Variants in ATF7IP2 observed in about 807,000 individuals in gnomAD.
The protein encoded by ATF7IP2 is activating transcription factor 7 interacting protein 2.
In ATF7IP2, 42 loss-of-function variants were observed where a neutral mutation model predicts 64.2. That is an observed-to-expected ratio of 0.65 (90% CI 0.51 to 0.85). The LOEUF (loss-of-function observed/expected upper bound fraction) is 0.85, where lower values mean the gene tolerates loss of function less well. ATF7IP2 is among the 40% of genes least tolerant of loss of function. The pLI is 0.00. For missense variants in ATF7IP2, 933 were observed against 784.2 expected (o/e 1.19, Z -2.27); for synonymous variants, 308 against 272.8 (o/e 1.13, Z -1.27).
intron 12 of ATF7IP2, among the ~76,000 whole-genome samples, chr16:10,479,429 C>A (rs906329294): frequency 5.9e-5 from 9 of 152,036 alleles, no homozygotes; most frequent in Non-Finnish European, 1.3e-4. Flanking sequence ...CATATTCTCA[C>A]TCATAGGTGG....
intron 3 of ATF7IP2, among the ~76,000 whole-genome samples, chr16:10,425,175 C>T (rs2048060162): frequency 6.6e-6 from 1 of 151,200 alleles, no homozygotes; most frequent in Admixed American, 6.6e-5. Context: ...TATCCCACCT[C>T]AGCCTCCTGA....
intron 9 of ATF7IP2, among the ~76,000 whole-genome samples, chr16:10,461,740 T>G (rs1596582578): frequency 6.6e-6 from 1 of 152,162 alleles, no homozygotes; most frequent in African/African-American, 2.4e-5. Flanking sequence ...GTTTATGATA[T>G]AGGATAGAAG....
chr16:10,422,306 CT>C (rs1198480051), intron 3 of ATF7IP2, among the ~76,000 whole-genome samples: 3 of 152,198 alleles, frequency 2.0e-5, no homozygotes, highest in Admixed American at 6.5e-5. Context: ...GGGACTTTGT[CT>C]TTCCACTTGA....
chr16:10,447,254 C>T (rs2048840003), intron 8 of ATF7IP2: 1 of 152,228 alleles, frequency 6.6e-6, no homozygotes, highest in South Asian at 2.1e-4. Flanking sequence ...ACCTGGTCGC[C>T]ACAGTATTTG....
At chr16:10,467,113 G>A (rs934693525) in intron 9 of ATF7IP2, among the ~76,000 whole-genome samples, 1 of 152,112 alleles carries the variant, frequency 6.6e-6, no homozygotes, top group Non-Finnish European at 1.5e-5. Flanking sequence ...AAGGCTTGTA[G>A]TAATCTTGGT....
chr16:10,479,613 G>A (rs1270045634), intron 12 of ATF7IP2, among the ~76,000 whole-genome samples: 2 of 151,354 alleles, frequency 1.3e-5, no homozygotes, highest in Admixed American at 6.6e-5. Context: ...TAACTAACCT[G>A]CACATTGTGC....
chr16:10,401,941 G>T (rs543785271), intron 1 of ATF7IP2, among the ~76,000 whole-genome samples: 2 of 152,042 alleles, frequency 1.3e-5, no homozygotes, highest in African/African-American at 4.8e-5. Context: ...TATTTCTGTG[G>T]TATCAGCTGT....
intron 3 of ATF7IP2, among the ~76,000 whole-genome samples, chr16:10,427,169 A>G (rs1368362375): frequency 6.6e-6 from 1 of 152,142 alleles, no homozygotes; most frequent in Admixed American, 6.5e-5. Flanking sequence ...ATGGTTTATA[A>G]TATGTTAAGT....
At chr16:10,476,496 G>T (rs982792635) in intron 12 of ATF7IP2, among the ~76,000 whole-genome samples, 4 of 151,934 alleles carry the variant, frequency 2.6e-5, no homozygotes, top group African/African-American at 9.7e-5. Flanking sequence ...GTGTGTGTGT[G>T]TGTTTTTTTT....
Position 10,480,910 on chromosome 16 carries a change from G to A in ATF7IP2, c.1581G>A (p.Ser527=), listed in dbSNP as rs146194908. 2.0e-3 allele frequency: 3,266 copies of A among 1,613,064 alleles called. 14 individuals carry two copies. Among genetic ancestry groups the A allele is most frequent in the Middle Eastern group, 5.1e-3 (31 of 6,058 alleles). ...ESPVSPLESH[S]KAASNSKETT... is the part of the protein sequence containing the mutation. ...CAGTATCCCCCCTGGAGTCACATTC[G>A]AAAGCTGCTTCAAACTCAAAGGAAA... Residue 527 remains serine, a synonymous_variant, in exon 13 of 14, where the codon TCG becomes TCA. Coordinates refer to ENST00000562102, the MANE Select transcript of ATF7IP2 (RefSeq NM_001393719.1).
At chr16:10,472,011 A>C in intron 9 of ATF7IP2, 99 bp from the exon 10 acceptor site, 1 of 516,026 alleles carries the variant, frequency 1.9e-6, no homozygotes, top group Non-Finnish European at 3.4e-6. Context: ...TTAAAACATT[A>C]TGAAATGTTA....
At chr16:10,453,637 G>A (rs2049062585) in intron 8 of ATF7IP2, among the ~76,000 whole-genome samples, 1 of 152,072 alleles carries the variant, frequency 6.6e-6, no homozygotes, top group African/African-American at 2.4e-5. Flanking sequence ...ATTTTTTTGA[G>A]ATGGAGTTTC....
chr16:10,396,613 C>A (rs1050937586), intron 1 of ATF7IP2, among the ~76,000 whole-genome samples: 7 of 151,910 alleles, frequency 4.6e-5, no homozygotes, highest in Non-Finnish European at 8.8e-5. Context: ...GCGTCTGCCT[C>A]CTAGATTGAA....
chr16:10,479,873 T>G (rs1213002622), intron 12 of ATF7IP2, among the ~76,000 whole-genome samples: 2 of 151,438 alleles, frequency 1.3e-5, no homozygotes, highest in Non-Finnish European at 2.9e-5. Flanking sequence ...TAGGAATGCG[T>G]TTACACTGTT....
At chr16:10,424,954 T>G (rs528009141) in intron 3 of ATF7IP2, among the ~76,000 whole-genome samples, 1 of 152,222 alleles carries the variant, frequency 6.6e-6, no homozygotes, top group East Asian at 1.9e-4. Flanking sequence ...AAATCTAGAG[T>G]TACCACATGA....
intron 3 of ATF7IP2, among the ~76,000 whole-genome samples, chr16:10,421,378 C>G (rs1049094670): frequency 2.0e-5 from 3 of 152,172 alleles, no homozygotes; most frequent in African/African-American, 7.2e-5. Flanking sequence ...CTGCCTCCAC[C>G]TCCTTTGTTA....
chr16:10,389,934 C>T (rs558313257), intron 1 of ATF7IP2, among the ~76,000 whole-genome samples: 14 of 152,280 alleles, frequency 9.2e-5, no homozygotes, highest in African/African-American at 1.2e-4. Flanking sequence ...AGGGCCCTGT[C>T]GCTTCATAAT....
intron 1 of ATF7IP2, among the ~76,000 whole-genome samples, chr16:10,392,352 T>C (rs2047344091): frequency 6.6e-6 from 1 of 151,640 alleles, no homozygotes; most frequent in African/African-American, 2.4e-5. Flanking sequence ...TTTTTTTTTT[T>C]TTAAACTGGA....
rs1378001808 is a variant in ATF7IP2 at position 10,431,362 on chromosome 16, A to T, written c.742A>T (p.Ile248Phe). ...SVTSNNCADD[I>F]LKTDECSRTS... ...CACTTCTAACAACTGTGCTGATGAC[A>T]TTTTGAAAACTGATGAGTGTAGTAG... is the stretch of plus-strand genomic sequence containing the variant. Residue 248 changes from isoleucine to phenylalanine, a missense_variant, in exon 5 of 14, where the codon ATT (isoleucine) becomes TTT (phenylalanine). Physicochemically the swap from Ile to Phe is conservative, Grantham distance 21. Transcript: ENST00000562102. 7.4e-6 allele frequency: 12 copies of T among 1,614,106 alleles called. No individual in the cohort carries two copies. Among genetic ancestry groups the T allele is most frequent in the Non-Finnish European group, 1.0e-5 (12 of 1,180,038 alleles).
Sources: allele counts gnomAD v4.1 joint callset (sites outside exome capture counted in the v4.1 genomes callset), GRCh38; gene constraint gnomAD v4.1.1; transcripts MANE v1.5; gene names NCBI Gene and HGNC (gene_info 2026-07-23, HGNC 2026-07-21).